Variants in ANKS1B observed in about 807,000 individuals in gnomAD.
ANKS1B encodes the protein ankyrin repeat and sterile alpha motif domain-containing protein 1B.
ANKS1B carries 36 observed loss-of-function variants against 148.3 expected under a neutral mutation model. That is an observed-to-expected ratio of 0.24 (90% confidence interval 0.19 to 0.32). The LOEUF is 0.32. ANKS1B is among the 10% of genes least tolerant of loss of function. ANKS1B has a pLI of 1.00. For synonymous variants in ANKS1B, 542 were observed against 560.8 expected (o/e 0.97, Z 0.47); for missense variants, 1,157 against 1,542.6 (o/e 0.75, Z 4.19).
At chr12:99,791,489 G>T (rs891779637) in intron 4 of ANKS1B, among the ~76,000 whole-genome samples, 2 of 151,814 alleles carry the variant, frequency 1.3e-5, no homozygotes, top group African/African-American at 4.8e-5. Flanking sequence ...CATTCTCAAG[G>T]ACAGACCACA....
chr12:99,399,571 A>G, intron 12 of ANKS1B, 60 bp downstream of exon 12: 2 of 1,554,252 alleles, frequency 1.3e-6, no homozygotes, highest in Non-Finnish European at 1.8e-6. Flanking sequence ...TAATTCCTCT[A>G]ACTCATAAAT....
chr12:98,869,755 A>G (rs973302051), intron 17 of ANKS1B, among the ~76,000 whole-genome samples: 2 of 152,096 alleles, frequency 1.3e-5, no homozygotes, highest in African/African-American at 2.4e-5. Flanking sequence ...GTTAATGTTT[A>G]GCCATGTAGA....
chr12:99,300,410 C>A (rs2081439386), intron 12 of ANKS1B, among the ~76,000 whole-genome samples: 1 of 151,876 alleles, frequency 6.6e-6, no homozygotes, highest in Non-Finnish European at 1.5e-5. Flanking sequence ...TTTTTGTTTT[C>A]TCTCACAACA....
chr12:99,164,258 G>A (rs369379606), intron 14 of ANKS1B, among the ~76,000 whole-genome samples: 1 of 152,036 alleles, frequency 6.6e-6, no homozygotes, highest in East Asian at 1.9e-4. Flanking sequence ...ATTTAAAAAT[G>A]TGTCTCATAA....
intron 15 of ANKS1B, among the ~76,000 whole-genome samples, chr12:99,092,812 C>A (rs1005744971): frequency 1.3e-5 from 2 of 152,186 alleles, no homozygotes; most frequent in African/African-American, 4.8e-5. Context: ...AAAAGATTAC[C>A]AGCCATTACA....
intron 12 of ANKS1B, among the ~76,000 whole-genome samples, chr12:99,288,618 A>C (rs1011249417): frequency 6.6e-6 from 1 of 152,084 alleles, no homozygotes; most frequent in Non-Finnish European, 1.5e-5. Flanking sequence ...ATAAAGTTAA[A>C]GTGTATAGAG....
At chr12:99,381,283 G>A (rs1199208298) in intron 12 of ANKS1B, among the ~76,000 whole-genome samples, 1 of 152,190 alleles carries the variant, frequency 6.6e-6, no homozygotes, top group East Asian at 1.9e-4. Context: ...TGGGACAACT[G>A]AGTCGAATGG....
chr12:99,129,022 C>G (rs2065272292), intron 15 of ANKS1B, among the ~76,000 whole-genome samples: 1 of 152,102 alleles, frequency 6.6e-6, no homozygotes, highest in African/African-American at 2.4e-5. Flanking sequence ...AGGAAAGGGT[C>G]TCCCTTCTAC....
At chr12:99,289,112 A>G (rs2154006820) in intron 12 of ANKS1B, among the ~76,000 whole-genome samples, 1 of 152,256 alleles carries the variant, frequency 6.6e-6, no homozygotes, top group South Asian at 2.1e-4. Flanking sequence ...AAAGGGCAGG[A>G]GTAGCTGTGC....
chr12:99,881,076 G>A (rs913625158), intron 1 of ANKS1B, among the ~76,000 whole-genome samples: 11 of 152,248 alleles, frequency 7.2e-5, no homozygotes, highest in Admixed American at 4.6e-4. Context: ...TCAGCAGTGC[G>A]TTTCTTGTTT....
At chr12:99,740,712 T>A (rs765603707) in intron 8 of ANKS1B, among the ~76,000 whole-genome samples, 37 of 152,214 alleles carry the variant, frequency 2.4e-4, no homozygotes, top group Non-Finnish European at 4.6e-4. Flanking sequence ...CTTATCTCAC[T>A]GGAAATGGTT....
chr12:99,837,317 A>G (rs1565829680), intron 1 of ANKS1B, among the ~76,000 whole-genome samples: 2 of 152,172 alleles, frequency 1.3e-5, no homozygotes, highest in Non-Finnish European at 2.9e-5. Flanking sequence ...GGACTATAGG[A>G]TAACAGATTT....
chr12:99,065,989 C>T (rs915052151), intron 16 of ANKS1B, among the ~76,000 whole-genome samples: 1 of 151,940 alleles, frequency 6.6e-6, no homozygotes, highest in African/African-American at 2.4e-5. Flanking sequence ...GGGGAAGTTT[C>T]ATTCAGAGGA....
chr12:99,877,777 T>C (rs929610201), intron 1 of ANKS1B, among the ~76,000 whole-genome samples: 12 of 152,332 alleles, frequency 7.9e-5, no homozygotes, highest in African/African-American at 2.9e-4. Context: ...ATAGGGAACC[T>C]GACCAGGTGC....
intron 1 of ANKS1B, among the ~76,000 whole-genome samples, chr12:99,864,300 A>C (rs1361337099): frequency 6.6e-6 from 1 of 152,074 alleles, no homozygotes; most frequent in Non-Finnish European, 1.5e-5. Context: ...ATTCTCAAAA[A>C]TCTTTAGTGA....
At chr12:98,844,348 G>C (rs1013072512) in intron 17 of ANKS1B, among the ~76,000 whole-genome samples, 2 of 152,140 alleles carry the variant, frequency 1.3e-5, no homozygotes, top group Non-Finnish European at 2.9e-5. Context: ...ACTTCATTCA[G>C]TGTTTTGATT....
At chr12:99,484,256 G>A (rs1169556480) in intron 10 of ANKS1B, among the ~76,000 whole-genome samples, 1 of 151,894 alleles carries the variant, frequency 6.6e-6, no homozygotes, top group Non-Finnish European at 1.5e-5. Flanking sequence ...TGTTAGCTCA[G>A]ATATCATTGA....
chr12:99,265,710 C>T (rs572142514), intron 12 of ANKS1B, among the ~76,000 whole-genome samples: 2 of 152,106 alleles, frequency 1.3e-5, no homozygotes, highest in African/African-American at 4.8e-5. Context: ...GACAATGTTC[C>T]CCTCAGTGTA....
chr12:99,496,475 T>C (rs1222889063), intron 10 of ANKS1B, among the ~76,000 whole-genome samples: 2 of 152,222 alleles, frequency 1.3e-5, no homozygotes, highest in South Asian at 4.1e-4. Context: ...GATTCAATAG[T>C]GGTCGCATAA....
Sources: allele counts gnomAD v4.1 joint callset (sites outside exome capture counted in the v4.1 genomes callset), GRCh38; gene constraint gnomAD v4.1.1; transcripts MANE v1.5; gene names NCBI Gene and HGNC (gene_info 2026-07-23, HGNC 2026-07-21).